PTPRD: variants seen among roughly 807,000 people sequenced by gnomAD.
PTPRD encodes receptor-type tyrosine-protein phosphatase delta.
PTPRD carries 34 observed loss-of-function variants against 214.5 expected under a neutral mutation model. The ratio of observed to expected loss-of-function variants is 0.16; its 90% CI spans 0.12 to 0.21. The LOEUF (loss-of-function observed/expected upper bound fraction) is 0.21. Among genes scored for constraint, PTPRD ranks in the 10% least tolerant of loss-of-function variants. PTPRD has a pLI of 1.00. For missense variants in PTPRD, 2,545 were observed against 2,398.7 expected (o/e 1.06, Z -1.27); for synonymous variants, 1,128 against 845.7 (o/e 1.33, Z -5.79).
intron 12 of PTPRD, among the ~76,000 whole-genome samples, chr9:8,699,010 G>A (rs2098004379): frequency 6.6e-6 from 1 of 152,092 alleles, no homozygotes; most frequent in Non-Finnish European, 1.5e-5. Context: ...TCCATTTGAA[G>A]TTGTGAATTC....
rs151056163 is a variant in PTPRD, at chr9:9,931,231, G to T, written c.-368+7276C>A. ...AAATTACTGGGGAGGAGCCAAGATG[G>T]CCGAATAGGAACAGCTCCGGTCTAC... On this transcript the variant is annotated intron_variant, in intron 5 of 45. Transcript: ENST00000381196. 7.6e-3 allele frequency among the ~76,000 whole-genome samples: 1,156 copies of T among 152,256 alleles called. 4 individuals are homozygous for T. Among genetic ancestry groups the T allele is most frequent in the Non-Finnish European group, 0.011 (781 of 68,020 alleles).
chr9:9,243,695 C>CA (rs575801717), intron 9 of PTPRD, among the ~76,000 whole-genome samples: 1,626 of 152,226 alleles, frequency 0.011, 15 homozygotes, highest in Non-Finnish European at 0.019. Context: ...ACTGAATGGG[C>CA]AAAAACTGGA....
rs184351848 is a variant in PTPRD at position 9,486,517 on chromosome 9, T to C, written c.-237+88215A>G. ...CACATACACTCTTATGCTTTTTTTTTCCTCCCTCATCTCTATCGCTGCCTT... is the reference window on the plus strand; with the variant it reads ...CACATACACTCTTATGCTTTTTTTTCCCTCCCTCATCTCTATCGCTGCCTT... On this transcript the variant is annotated intron_variant, in intron 8 of 45. Coordinates refer to ENST00000381196, the MANE Select transcript of PTPRD (RefSeq NM_002839.4). Among the ~76,000 whole-genome samples, 606 of 152,212 alleles carry C rather than the reference T, an allele frequency of 4.0e-3. 4 individuals are homozygous for C. The highest frequency in any genetic ancestry group is 0.014 in the African/African-American group (587 of 41,538).
chr9:9,460,475 C>G (rs781229468), intron 8 of PTPRD, among the ~76,000 whole-genome samples: 1 of 151,740 alleles, frequency 6.6e-6, no homozygotes, highest in Non-Finnish European at 1.5e-5. Context: ...ATAATCTAAA[C>G]GAATCAACAT....
chr9:9,660,290 T>C (rs1278352309), intron 7 of PTPRD, among the ~76,000 whole-genome samples: 8 of 151,878 alleles, frequency 5.3e-5, no homozygotes, highest in Non-Finnish European at 1.0e-4. Context: ...GATTTACACA[T>C]TAACAGAACA....
chr9:10,373,096 G>A (rs891125892), intron 2 of PTPRD, among the ~76,000 whole-genome samples: 8 of 149,520 alleles, frequency 5.4e-5, no homozygotes, highest in African/African-American at 1.5e-4. Flanking sequence ...GCCTCCCAAA[G>A]TGCTAGGATT....
intron 2 of PTPRD, among the ~76,000 whole-genome samples, chr9:10,544,186 A>T (rs2059725514): frequency 6.6e-6 from 1 of 152,180 alleles, no homozygotes; most frequent in African/African-American, 2.4e-5. Flanking sequence ...AGATAAACAT[A>T]TCTTTATATA....
intron 7 of PTPRD, among the ~76,000 whole-genome samples, chr9:9,646,482 A>G (rs1337960745): frequency 1.3e-5 from 2 of 151,884 alleles, no homozygotes; most frequent in Non-Finnish European, 2.9e-5. Flanking sequence ...TCTACTATTA[A>G]GTTTTCTGTT....
At chr9:9,903,688 A>C (rs963654757) in intron 5 of PTPRD, among the ~76,000 whole-genome samples, 1 of 152,080 alleles carries the variant, frequency 6.6e-6, no homozygotes, top group Non-Finnish European at 1.5e-5. Flanking sequence ...CCACAGTTTA[A>C]AACCATTCCC....
intron 14 of PTPRD, among the ~76,000 whole-genome samples, chr9:8,582,933 T>A (rs549549259): frequency 6.6e-6 from 1 of 152,190 alleles, no homozygotes; most frequent in African/African-American, 2.4e-5. Flanking sequence ...AAGAGGTATG[T>A]ATGAGTTGGA....
intron 11 of PTPRD, among the ~76,000 whole-genome samples, chr9:8,915,683 G>C (rs996745332): frequency 1.3e-5 from 2 of 152,140 alleles, no homozygotes; most frequent in Non-Finnish European, 2.9e-5. Flanking sequence ...TTCAACTCAA[G>C]TCCGAAGGCA....
intron 12 of PTPRD, among the ~76,000 whole-genome samples, chr9:8,694,133 G>A (rs1054278310): frequency 6.6e-6 from 1 of 152,238 alleles, no homozygotes; most frequent in Non-Finnish European, 1.5e-5. Context: ...GTGATGGGAT[G>A]TATTTTAAAT....
intron 3 of PTPRD, among the ~76,000 whole-genome samples, chr9:10,079,950 C>T (rs79067560): frequency 1.4e-5 from 2 of 144,106 alleles, no homozygotes; most frequent in East Asian, 2.0e-4. Flanking sequence ...TTTTTTTTTC[C>T]AGCTTGGTAT....
chr9:8,658,838 T>A (rs2096968639), intron 12 of PTPRD, among the ~76,000 whole-genome samples: 1 of 152,192 alleles, frequency 6.6e-6, no homozygotes, highest in Non-Finnish European at 1.5e-5. Context: ...ATTTCCTTGA[T>A]ACGGAATCCC....
At chr9:8,366,944 C>T (rs10977003) in intron 39 of PTPRD, among the ~76,000 whole-genome samples, 13,286 of 152,256 alleles carry the variant, frequency 0.087, 623 homozygotes, top group Middle Eastern at 0.11. Context: ...GGAACTCCTT[C>T]TTGGCAGTAG....
chr9:10,375,222 T>C (rs772276035), intron 2 of PTPRD, among the ~76,000 whole-genome samples: 11 of 152,208 alleles, frequency 7.2e-5, no homozygotes, highest in Non-Finnish European at 1.5e-4. Context: ...GTACTTGCAT[T>C]ATCATGTTGC....
At chr9:9,508,203 A>G (rs2096615060) in intron 8 of PTPRD, among the ~76,000 whole-genome samples, 1 of 151,492 alleles carries the variant, frequency 6.6e-6, no homozygotes, top group African/African-American at 2.4e-5. Context: ...ATGTTTTTGT[A>G]AAGATAATTT....
At chr9:9,496,372 A>G (rs1202151159) in intron 8 of PTPRD, among the ~76,000 whole-genome samples, 6 of 152,134 alleles carry the variant, frequency 3.9e-5, no homozygotes, top group Non-Finnish European at 8.8e-5. Flanking sequence ...GAGAACTCCT[A>G]AAACTCAACA....
intron 10 of PTPRD, among the ~76,000 whole-genome samples, chr9:9,149,420 T>A (rs764532460): frequency 1.3e-5 from 2 of 152,152 alleles, no homozygotes; most frequent in African/African-American, 2.4e-5. Flanking sequence ...AACTCAGAGC[T>A]CTCTCATAAA....
Sources: gnomAD v4.1 joint callset for allele counts (sites outside exome capture counted in the v4.1 genomes callset) on GRCh38, gnomAD v4.1.1 for gene constraint, MANE v1.5 for transcripts, NCBI Gene and HGNC (gene_info 2026-07-23, HGNC 2026-07-21) for gene names.